Variants in PARD3 observed in about 807,000 individuals in gnomAD.
PARD3 encodes par-3 family cell polarity regulator, also known as partitioning defective 3 homolog.
PARD3 carries 75 observed loss-of-function variants against 155.4 expected under a neutral mutation model. The ratio of observed to expected loss-of-function variants is 0.48; its 90% CI spans 0.40 to 0.58. The LOEUF is 0.58. PARD3 is among the 20% of genes least tolerant of loss of function. PARD3 has a pLI of 0.00. For synonymous variants in PARD3, 576 were observed against 610.5 expected (o/e 0.94, Z 0.83); for missense variants, 1,642 against 1,721.7 (o/e 0.95, Z 0.82).
intron 2 of PARD3, among the ~76,000 whole-genome samples, chr10:34,536,101 C>T (rs2083207373): frequency 6.6e-6 from 1 of 152,188 alleles, no homozygotes; most frequent in African/African-American, 2.4e-5. Flanking sequence ...CAATTCAAAA[C>T]TCTCGTTGAA....
chr10:34,327,084 A>C (rs1280817326), intron 19 of PARD3, among the ~76,000 whole-genome samples: 2 of 152,240 alleles, frequency 1.3e-5, no homozygotes, highest in African/African-American at 4.8e-5. Flanking sequence ...AAAACAAAGC[A>C]ATCTTACTGC....
At chr10:34,192,704 G>A in intron 22 of PARD3, among the ~76,000 whole-genome samples, 1 of 152,194 alleles carries the variant, frequency 6.6e-6, no homozygotes, top group East Asian at 1.9e-4. Context: ...GGCACAGGCC[G>A]GCATCCTTCC....
intron 4 of PARD3, among the ~76,000 whole-genome samples, chr10:34,456,772 T>C (rs141413123): frequency 6.6e-6 from 1 of 152,204 alleles, no homozygotes; most frequent in South Asian, 2.1e-4. Flanking sequence ...AAAGGTATTA[T>C]CCATAGTTCT....
chr10:34,790,669 T>C (rs1841517866), intron 1 of PARD3, among the ~76,000 whole-genome samples: 1 of 152,208 alleles, frequency 6.6e-6, no homozygotes, highest in South Asian at 2.1e-4. Flanking sequence ...ATAAAAAATT[T>C]TAAAAGATGA....
At chr10:34,565,849 T>A (rs572796698) in intron 2 of PARD3, among the ~76,000 whole-genome samples, 1 of 152,334 alleles carries the variant, frequency 6.6e-6, no homozygotes, top group South Asian at 2.1e-4. Context: ...ATGGTGATAA[T>A]TGGCTTTTCA....
intron 2 of PARD3, among the ~76,000 whole-genome samples, chr10:34,628,021 G>A (rs1464259456): frequency 2.0e-5 from 3 of 152,086 alleles, no homozygotes; most frequent in East Asian, 1.9e-4. Context: ...GAGTTTACAC[G>A]TTGTGCCCTA....
At chr10:34,344,017 TAAAA>T in intron 15 of PARD3, 1 of 977,218 alleles carries the variant, frequency 1.0e-6, no homozygotes, top group Non-Finnish European at 1.2e-6. Context: ...GCTAACAAGA[TAAAA>T]ATGTTCTAAA....
At chr10:34,275,469 G>A (rs1955829722) in intron 21 of PARD3, among the ~76,000 whole-genome samples, 1 of 152,180 alleles carries the variant, frequency 6.6e-6, no homozygotes, top group Admixed American at 6.5e-5. Flanking sequence ...GCACTTTAGA[G>A]TAGACTTTTG....
intron 2 of PARD3, among the ~76,000 whole-genome samples, chr10:34,559,408 G>C (rs890693389): frequency 6.8e-6 from 1 of 146,104 alleles, no homozygotes; most frequent in Non-Finnish European, 1.5e-5. Context: ...AAACACTAGA[G>C]AAGTGATCAG....
intron 20 of PARD3, among the ~76,000 whole-genome samples, chr10:34,309,396 A>G (rs1957578241): frequency 6.6e-6 from 1 of 151,862 alleles, no homozygotes. Context: ...CCACCTCTAT[A>G]TAAAATTTAA....
chr10:34,516,142 T>G (rs892911949), intron 3 of PARD3, among the ~76,000 whole-genome samples: 8 of 152,018 alleles, frequency 5.3e-5, no homozygotes, highest in Non-Finnish European at 1.5e-5. Flanking sequence ...TTTTTGTATT[T>G]TTAGTAGAGA....
At chr10:34,583,547 T>C (rs1175204234) in intron 2 of PARD3, among the ~76,000 whole-genome samples, 3 of 152,216 alleles carry the variant, frequency 2.0e-5, no homozygotes, top group African/African-American at 7.2e-5. Context: ...TATTTACCTC[T>C]GCCTTCTTTA....
At chr10:34,384,076 C>A in intron 8 of PARD3, 53 bp downstream of exon 8, 2 of 1,571,740 alleles carry the variant, frequency 1.3e-6, no homozygotes, top group Non-Finnish European at 1.7e-6. Flanking sequence ...ACTGACTGCA[C>A]TCTGTCATGC....
intron 2 of PARD3, among the ~76,000 whole-genome samples, chr10:34,573,289 G>C (rs996320062): frequency 1.3e-5 from 2 of 152,206 alleles, no homozygotes; most frequent in Non-Finnish European, 2.9e-5. Flanking sequence ...CCAGGAGGTT[G>C]AGGCTGTAGT....
intron 2 of PARD3, among the ~76,000 whole-genome samples, chr10:34,654,970 C>T (rs10508809): frequency 0.21 from 31,296 of 151,864 alleles, 4,130 homozygotes; most frequent in East Asian, 0.39. Flanking sequence ...ATTCTTGTTA[C>T]GAAAACGGAC....
chr10:34,448,584 G>A lies in PARD3; in HGVS notation c.714+1733C>T, dbSNP rs541278059. 3.1e-3 allele frequency among the ~76,000 whole-genome samples: 478 copies of A among 152,226 alleles called. 3 individuals carry two copies. The highest frequency in any genetic ancestry group is 3.6e-3 in the Non-Finnish European group (248 of 68,008). On this transcript the variant is annotated intron_variant, in intron 5 of 24. Coordinates refer to ENST00000374788, the MANE Select transcript of PARD3 (RefSeq NM_001184785.2). ...GGAGGCCAAGACAGTAGGATTGCTTGAGGCCAGGAGTTCAAGACTAGCCTG... is the reference window on the plus strand; with the variant it reads ...GGAGGCCAAGACAGTAGGATTGCTTAAGGCCAGGAGTTCAAGACTAGCCTG...
intron 3 of PARD3, among the ~76,000 whole-genome samples, chr10:34,506,475 T>C (rs2081071142): frequency 6.6e-6 from 1 of 152,048 alleles, no homozygotes; most frequent in Non-Finnish European, 1.5e-5. Flanking sequence ...ATGGCCTCAA[T>C]GGGGAGAAGT....
intron 22 of PARD3, among the ~76,000 whole-genome samples, chr10:34,254,426 TAA>T (rs1239302022): frequency 6.6e-6 from 1 of 151,876 alleles, no homozygotes; most frequent in Non-Finnish European, 1.5e-5. Flanking sequence ...AAAATTAAGA[TAA>T]AGTTACATTT....
chr10:34,312,408 C>A (rs1589141856), intron 20 of PARD3: 2 of 1,610,746 alleles, frequency 1.2e-6, no homozygotes, highest in Non-Finnish European at 1.7e-6. Context: ...GGTACAGACA[C>A]ACAGTTAGTA....
Sources: gnomAD v4.1 joint callset for allele counts (sites outside exome capture counted in the v4.1 genomes callset) on GRCh38, gnomAD v4.1.1 for gene constraint, MANE v1.5 for transcripts, NCBI Gene and HGNC (gene_info 2026-07-23, HGNC 2026-07-21) for gene names.